USP6NL: variants seen among roughly 807,000 people sequenced by gnomAD.
USP6NL encodes the protein USP6 N-terminal like.
Under a neutral mutation model 61.9 loss-of-function variants are expected in USP6NL, and 26 were observed. The observed-to-expected ratio is 0.42, with a 90% confidence interval of 0.31 to 0.58. The LOEUF is 0.58. Ranked by LOEUF, USP6NL falls within the 20% of genes least tolerant of loss-of-function variation. The pLI is 0.16. For missense variants in USP6NL, 1,114 were observed against 1,034.3 expected, an observed-to-expected ratio of 1.08 and a Z score of -1.06; for synonymous variants, 432 against 390.1, an observed-to-expected ratio of 1.11 and a Z score of -1.27.
chr10:11,515,729 G>GT (rs1247804427), intron 5 of USP6NL, among the ~76,000 whole-genome samples: 1 of 152,162 alleles, frequency 6.6e-6, no homozygotes, highest in Non-Finnish European at 1.5e-5. Flanking sequence ...TTAACAGTTT[G>GT]TTTTTCGTTT....
In USP6NL at chr10:11,487,884, A is replaced by C. The variant is rs547007719; in HGVS notation, c.664+1218T>G. On this transcript the variant is annotated intron_variant, in intron 10 of 14. Coordinates refer to ENST00000609104, the MANE Select transcript of USP6NL (RefSeq NM_014688.5). The surrounding 1 kb of genome is among the most constrained non-coding windows in gnomAD (Gnocchi z 4.2). ...CACAAACAATGGGCTATAGAAAGTC[A>C]TAATTTTGAAAATATTAAAACAGTA... Among the ~76,000 whole-genome samples the C allele has an allele frequency of 6.6e-6, 1 of 152,344 alleles. No homozygotes were observed. Among genetic ancestry groups the C allele is most frequent in the South Asian group, 2.1e-4 (1 of 4,832 alleles).
intron 2 of USP6NL, chr10:11,573,415 C>A (rs1837430680): frequency 2.6e-6 from 1 of 379,830 alleles, no homozygotes; most frequent in Non-Finnish European, 4.7e-6. Context: ...AATTTTTGTT[C>A]AAAAACAGTA....
chr10:11,530,355 G>A (rs1197902454), intron 2 of USP6NL, among the ~76,000 whole-genome samples: 1 of 152,168 alleles, frequency 6.6e-6, no homozygotes, highest in East Asian at 1.9e-4. Context: ...GACTGGGGTT[G>A]AGAGGTGAAG....
intron 5 of USP6NL, 27 bp from the exon 6 acceptor site, chr10:11,509,702 A>AT (rs1441545712): frequency 1.3e-6 from 2 of 1,521,948 alleles, no homozygotes; most frequent in Admixed American, 2.1e-5. Flanking sequence ...ATTCATTGTT[A>AT]TTGTTGTTCG....
At position 11,591,181 on chromosome 10, in the gene USP6NL, G is replaced by C. The variant is rs981196537; in HGVS notation, c.4+6450C>G. Reference sequence around the variant, plus strand: ...GTCTCTGGGACTCTGGGAACATAAAGAGGCCAGCCACTGGAAAACTTACTG... The same window carrying C: ...GTCTCTGGGACTCTGGGAACATAAACAGGCCAGCCACTGGAAAACTTACTG... On this transcript the variant is annotated intron_variant, in intron 2 of 14. Coordinates refer to ENST00000609104, the MANE Select transcript of USP6NL (RefSeq NM_014688.5). This position sits in a 1 kb window ranked among gnomAD's most constrained non-coding sequence, Gnocchi z 4.7. 2.4e-4 allele frequency among the ~76,000 whole-genome samples: 36 copies of C among 152,134 alleles called. No individual in the cohort carries two copies. Among genetic ancestry groups the C allele is most frequent in the African/African-American group, 8.0e-4 (33 of 41,406 alleles).
intron 3 of USP6NL, among the ~76,000 whole-genome samples, chr10:11,526,171 G>A (rs146458168): frequency 1.5e-3 from 232 of 151,902 alleles, no homozygotes; most frequent in African/African-American, 4.9e-3. Context: ...TCCACAGCCC[G>A]CTGCTCTTCT....
In USP6NL at chr10:11,463,054, C is replaced by T. The variant is rs1400781551; in HGVS notation, c.1874G>A (p.Gly625Glu). The change falls in exon 15 of 15, where the codon GGG (glycine) becomes GAG (glutamate). Residue 625 changes from glycine (G) to glutamate (E), a missense_variant. Transcript: ENST00000609104. The surrounding 1 kb of genome is among the most constrained non-coding windows in gnomAD (Gnocchi z 6.3). Reference sequence around the variant, plus strand: ...GCTGTAGGAGGGGGGATGAGCTAGCCCTCGGGCTTCCCCATCTAGCTGGGA... The same window carrying T: ...GCTGTAGGAGGGGGGATGAGCTAGCTCTCGGGCTTCCCCATCTAGCTGGGA... ...YPSQLDGEAR[G>E]LAHPPSYSNP... 3 of 1,613,880 alleles carry T rather than the reference C, an allele frequency of 1.9e-6. No individual in the cohort carries two copies. The highest frequency in any genetic ancestry group is 2.7e-5 in the African/African-American group (2 of 74,902).
At chr10:11,599,628 T>G (rs1418454878) in intron 1 of USP6NL, among the ~76,000 whole-genome samples, 1 of 152,210 alleles carries the variant, frequency 6.6e-6, no homozygotes, top group Non-Finnish European at 1.5e-5. Flanking sequence ...TGTCATGGAT[T>G]AGTTCTTAGA....
rs1591822730 is a variant in USP6NL, at chr10:11,476,539, G to C, written c.1078+5231C>G. ...AGAAATAAAATAAAGGTACAAAAAT[G>C]CTAACAATAGTTAAATCTATGAGGT... is the stretch of plus-strand genomic sequence containing the variant. On this transcript the variant is annotated intron_variant, in intron 14 of 14. Coordinates refer to ENST00000609104, the MANE Select transcript of USP6NL (RefSeq NM_014688.5). This position sits in a 1 kb window ranked among gnomAD's most constrained non-coding sequence, Gnocchi z 4.3. Among the ~76,000 whole-genome samples the C allele has an allele frequency of 6.6e-6, 1 of 152,138 alleles. No homozygotes were observed.
intron 2 of USP6NL, among the ~76,000 whole-genome samples, chr10:11,527,929 C>A (rs189225164): frequency 6.6e-6 from 1 of 152,116 alleles, no homozygotes; most frequent in Non-Finnish European, 1.5e-5. Context: ...ACATTCAAAA[C>A]GGCTTTTAAA....
At chr10:11,604,848 A>G (rs997516443) in intron 1 of USP6NL, among the ~76,000 whole-genome samples, 1 of 152,156 alleles carries the variant, frequency 6.6e-6, no homozygotes. Context: ...CTAATAAAAT[A>G]ATTATAATAA....
At chr10:11,569,133 T>C (rs1837270515) in intron 2 of USP6NL, among the ~76,000 whole-genome samples, 1 of 152,276 alleles carries the variant, frequency 6.6e-6, no homozygotes, top group African/African-American at 2.4e-5. Context: ...TTAGATGCTA[T>C]AACTTTAGTT....
At chr10:11,486,480 C>T (rs1227332903) in intron 10 of USP6NL, among the ~76,000 whole-genome samples, 1 of 152,012 alleles carries the variant, frequency 6.6e-6, no homozygotes, top group East Asian at 1.9e-4. Flanking sequence ...AGTGACTATA[C>T]AATATAATCT....
Position 11,481,312 on chromosome 10 carries a change from G to GT in USP6NL, c.1078+457dup, listed in dbSNP as rs1833189299. 3.4e-5 allele frequency among the ~76,000 whole-genome samples: 3 copies of GT among 87,830 alleles called. No individual in the cohort carries two copies. In the South Asian group the frequency reaches 1.0e-3, roughly 30 times the overall value. The allele number at this position is 87,830 out of a possible 152,430, so 57.6% of individuals were successfully genotyped here. A position where few individuals can be genotyped will look rare whatever the true frequency, so the allele number is the denominator to read the frequency against. On this transcript the variant is annotated intron_variant, in intron 14 of 14. Transcript: ENST00000609104. This position sits in a 1 kb window ranked among gnomAD's most constrained non-coding sequence, Gnocchi z 4.4. ...GCCTGCAGTCTCAGTAATGCTATTT[G>GT]TGGTTCTGTGGCTTCATATTTAAGC...
chr10:11,558,032 G>T (rs1407245717), intron 2 of USP6NL, among the ~76,000 whole-genome samples: 1 of 152,170 alleles, frequency 6.6e-6, no homozygotes, highest in African/African-American at 2.4e-5. Flanking sequence ...GCCTACCTGA[G>T]GTTCACAATC....
At chr10:11,550,755 C>G (rs1591917473) in intron 2 of USP6NL, among the ~76,000 whole-genome samples, 1 of 146,194 alleles carries the variant, frequency 6.8e-6, no homozygotes, top group East Asian at 2.0e-4. Context: ...GACTCCGTCT[C>G]AAAAAATAAA....
chr10:11,606,685 C>T (rs1370538643), intron 1 of USP6NL, among the ~76,000 whole-genome samples: 1 of 150,530 alleles, frequency 6.6e-6, no homozygotes, highest in Non-Finnish European at 1.5e-5. Flanking sequence ...TATGTAATCC[C>T]AAGCTAAAAA....
intron 14 of USP6NL, among the ~76,000 whole-genome samples, chr10:11,477,976 A>T (rs1463580253): frequency 6.6e-6 from 1 of 152,254 alleles, no homozygotes; most frequent in Non-Finnish European, 1.5e-5. Context: ...AATACTGAAA[A>T]GGAAGAGGAA....
intron 2 of USP6NL, among the ~76,000 whole-genome samples, chr10:11,586,898 C>T (rs2172331): frequency 0.43 from 66,072 of 152,008 alleles, 14,824 homozygotes; most frequent in Middle Eastern, 0.53. Context: ...TCTTCACATA[C>T]GTTGTTCCTT....
Sources: gnomAD v4.1 joint callset for allele counts (sites outside exome capture counted in the v4.1 genomes callset) on GRCh38, gnomAD v4.1.1 for gene constraint, Gnocchi (gnomAD v3.1) non-coding constraint, MANE v1.5 for transcripts, NCBI Gene and HGNC (gene_info 2026-07-23, HGNC 2026-07-21) for gene names.